Variants in DGKB observed in about 807,000 individuals in gnomAD.
DGKB encodes the protein 90 kDa diacylglycerol kinase.
DGKB carries 67 observed loss-of-function variants against 114.3 expected under a neutral mutation model. The observed-to-expected ratio is 0.59, with a 90% CI of 0.48 to 0.72. The LOEUF is 0.72. DGKB is among the 30% of genes least tolerant of loss of function. The pLI, the probability that DGKB is intolerant of heterozygous loss-of-function variation, is 0.00. For synonymous variants in DGKB, 398 were observed against 323.1 expected, an observed-to-expected ratio of 1.23 and a Z score of -2.49; for missense variants, 907 against 975.2, an observed-to-expected ratio of 0.93 and a Z score of 0.93.
chr7:14,790,865 C>T (rs1392742427), intron 2 of DGKB, among the ~76,000 whole-genome samples: 1 of 152,240 alleles, frequency 6.6e-6, no homozygotes, highest in South Asian at 2.1e-4. Flanking sequence ...ATTTTGATTA[C>T]AGTTACATTA....
chr7:14,730,683 C>CTG (rs1366292462), intron 5 of DGKB, among the ~76,000 whole-genome samples: 1 of 152,150 alleles, frequency 6.6e-6, no homozygotes, highest in Admixed American at 6.5e-5. Flanking sequence ...ACCTTCTTCA[C>CTG]TGTGACTCTG....
At chr7:14,227,839 C>G (rs1209664228) in intron 23 of DGKB, among the ~76,000 whole-genome samples, 4 of 152,024 alleles carry the variant, frequency 2.6e-5, no homozygotes, top group African/African-American at 9.7e-5. Flanking sequence ...TATCTATTCT[C>G]TTTTATCTCT....
At chr7:14,562,356 C>T (rs1224631594) in intron 20 of DGKB, among the ~76,000 whole-genome samples, 1 of 152,180 alleles carries the variant, frequency 6.6e-6, no homozygotes, top group Admixed American at 6.5e-5. Flanking sequence ...GGAGCCCCTA[C>T]ACAGAGTCCC....
rs59663908 is a variant in DGKB, at chr7:14,789,162, C to A, written c.71-31431G>T. Among the ~76,000 whole-genome samples the A allele has an allele frequency of 7.3e-3, 1,109 of 151,870 alleles. 16 individuals carry two copies. Among genetic ancestry groups the A allele is most frequent in the African/African-American group, 0.025 (1,044 of 41,402 alleles). On this transcript the variant is annotated intron_variant, in intron 2 of 25. Coordinates refer to ENST00000402815, the MANE Select transcript of DGKB (RefSeq NM_001350709.2). ...GGCATAGAGATCTCGTGTGTCCTTT[C>A]CTCATTTTCTCTAAATGGTAATGTC...
chr7:14,836,139 A>G (rs1015256177), intron 2 of DGKB, among the ~76,000 whole-genome samples: 1 of 152,172 alleles, frequency 6.6e-6, no homozygotes, highest in Admixed American at 6.5e-5. Context: ...GGGATTCCAC[A>G]CCGTCAAATA....
intron 23 of DGKB, among the ~76,000 whole-genome samples, chr7:14,239,351 T>C (rs761680436): frequency 1.3e-5 from 2 of 152,152 alleles, no homozygotes; most frequent in East Asian, 3.9e-4. Flanking sequence ...CTCATAGGTA[T>C]GATAAATTTG....
At chr7:14,646,835 G>C (rs1440536664) in intron 13 of DGKB, among the ~76,000 whole-genome samples, 1 of 151,814 alleles carries the variant, frequency 6.6e-6, no homozygotes, top group African/African-American at 2.4e-5. Flanking sequence ...GAAGTGCTAA[G>C]AGGGAAGATT....
intron 21 of DGKB, among the ~76,000 whole-genome samples, chr7:14,475,208 G>A (rs1296060276): frequency 6.6e-6 from 1 of 152,102 alleles, no homozygotes; most frequent in Non-Finnish European, 1.5e-5. Context: ...GATCTGATCT[G>A]AAATACCATT....
chr7:14,654,962 G>A (rs1170486321), intron 13 of DGKB, among the ~76,000 whole-genome samples: 1 of 151,768 alleles, frequency 6.6e-6, no homozygotes, highest in Non-Finnish European at 1.5e-5. Context: ...TTGGGACTCT[G>A]GTCTGAGCAA....
chr7:14,764,478 T>A (rs934773476), intron 2 of DGKB, among the ~76,000 whole-genome samples: 1 of 151,884 alleles, frequency 6.6e-6, no homozygotes, highest in Non-Finnish European at 1.5e-5. Context: ...CATATCAGGA[T>A]CATCCGGGGA....
At chr7:14,627,091 T>A in intron 14 of DGKB, among the ~76,000 whole-genome samples, 1 of 152,306 alleles carries the variant, frequency 6.6e-6, no homozygotes, top group African/African-American at 2.4e-5. Flanking sequence ...AAAGTATAGA[T>A]AAAAAATTTT....
intron 2 of DGKB, among the ~76,000 whole-genome samples, chr7:14,771,045 A>G (rs571761589): frequency 1.3e-5 from 2 of 152,056 alleles, no homozygotes; most frequent in Non-Finnish European, 2.9e-5. Context: ...AACAAGTTTT[A>G]TTGGGGTCTA....
At chr7:14,814,104 C>G (rs1335003543) in intron 2 of DGKB, 1 of 152,104 alleles carries the variant, frequency 6.6e-6, no homozygotes, top group South Asian at 2.1e-4. Context: ...TTATTCCACC[C>G]AAGATGGGTA....
At chr7:14,693,935 G>A (rs1225914505) in intron 9 of DGKB, 140 bp downstream of exon 9, 16 of 866,440 alleles carry the variant, frequency 1.8e-5, no homozygotes, top group Admixed American at 5.6e-5. Context: ...AAATTGCACC[G>A]TGGCATACTT....
intron 15 of DGKB, among the ~76,000 whole-genome samples, chr7:14,614,750 A>G (rs1290366700): frequency 1.3e-5 from 2 of 152,110 alleles, no homozygotes; most frequent in Non-Finnish European, 2.9e-5. Flanking sequence ...TTTTCTATTC[A>G]TATCCAACTA....
chr7:14,535,236 G>A (rs1478771682), intron 20 of DGKB, among the ~76,000 whole-genome samples: 2 of 152,022 alleles, frequency 1.3e-5, no homozygotes, highest in Admixed American at 6.6e-5. Context: ...AGGCATGATC[G>A]TGTGAGTCTG....
At chr7:14,646,053 C>T (rs769013492) in intron 13 of DGKB, among the ~76,000 whole-genome samples, 1 of 152,066 alleles carries the variant, frequency 6.6e-6, no homozygotes, top group Non-Finnish European at 1.5e-5. Flanking sequence ...TTTAATTCAC[C>T]AATTAAAAGA....
At chr7:14,451,640 C>T (rs1175925334) in intron 21 of DGKB, among the ~76,000 whole-genome samples, 1 of 151,820 alleles carries the variant, frequency 6.6e-6, no homozygotes, top group Non-Finnish European at 1.5e-5. Flanking sequence ...TTATAAGAAA[C>T]TGTGCTATGC....
chr7:14,836,196 C>G (rs1446988907), intron 2 of DGKB, among the ~76,000 whole-genome samples: 2 of 152,252 alleles, frequency 1.3e-5, no homozygotes, highest in South Asian at 4.1e-4. Context: ...CACCACATGC[C>G]TCACTGCAAT....
Sources: gnomAD v4.1 joint callset for allele counts (sites outside exome capture counted in the v4.1 genomes callset) on GRCh38, gnomAD v4.1.1 for gene constraint, MANE v1.5 for transcripts, NCBI Gene and HGNC (gene_info 2026-07-23, HGNC 2026-07-21) for gene names.